The following PCDH9 variants were observed in gnomAD, a reference collection of about 807,000 sequenced individuals.
PCDH9 encodes protocadherin 9.
Under a neutral mutation model 70.6 loss-of-function variants are expected in PCDH9, and 24 were observed. The observed-to-expected ratio is 0.34, with a 90% CI of 0.25 to 0.48. The LOEUF is 0.48. Among genes scored for constraint, PCDH9 ranks in the 20% least tolerant of loss-of-function variants. The pLI is 0.99. For synonymous variants in PCDH9, 562 were observed against 558.5 expected (o/e 1.01, Z -0.09); for missense variants, 1,281 against 1,503.6 (o/e 0.85, Z 2.45).
chr13:66,818,574 T>C (rs934533734), intron 3 of PCDH9, among the ~76,000 whole-genome samples: 1 of 152,150 alleles, frequency 6.6e-6, no homozygotes, highest in African/African-American at 2.4e-5. Flanking sequence ...AACATTGTAG[T>C]CTCCTTCCAC....
intron 2 of PCDH9, among the ~76,000 whole-genome samples, chr13:67,002,907 G>A (rs532689770): frequency 1.3e-5 from 2 of 151,446 alleles, no homozygotes; most frequent in Admixed American, 6.6e-5. Context: ...GCAATTACTA[G>A]TATTTTTTTT....
intron 4 of PCDH9, among the ~76,000 whole-genome samples, chr13:66,530,950 C>T (rs1960424349): frequency 2.0e-5 from 3 of 151,960 alleles, no homozygotes; most frequent in Admixed American, 2.0e-4. Context: ...GGCCATGATA[C>T]TTGATGTAAA....
chr13:66,558,588 A>G (rs1457038434), intron 4 of PCDH9, among the ~76,000 whole-genome samples: 2 of 152,046 alleles, frequency 1.3e-5, no homozygotes, highest in African/African-American at 4.8e-5. Flanking sequence ...ATTTTTTTAA[A>G]AAACCTTTCC....
At chr13:66,521,449 C>T (rs1459446011) in intron 4 of PCDH9, among the ~76,000 whole-genome samples, 5 of 152,152 alleles carry the variant, frequency 3.3e-5, no homozygotes, top group South Asian at 2.1e-4. Flanking sequence ...ATAAGAAAAC[C>T]GCTTTTATGA....
At chr13:67,058,326 T>A (rs898578483) in intron 2 of PCDH9, among the ~76,000 whole-genome samples, 5 of 152,170 alleles carry the variant, frequency 3.3e-5, no homozygotes. Flanking sequence ...GTGTCTTAGC[T>A]TCTCTGCAGG....
chr13:66,452,434 G>A (rs1245148907), intron 4 of PCDH9, among the ~76,000 whole-genome samples: 1 of 152,022 alleles, frequency 6.6e-6, no homozygotes, highest in Admixed American at 6.6e-5. Context: ...AATTTTGGAT[G>A]GGTTTCTGAC....
intron 2 of PCDH9, among the ~76,000 whole-genome samples, chr13:66,973,221 T>C (rs985351936): frequency 1.3e-5 from 2 of 151,992 alleles, no homozygotes; most frequent in Non-Finnish European, 2.9e-5. Context: ...TTTTCAGCAA[T>C]CACCTTTTCT....
chr13:66,800,501 C>A (rs2080310062), intron 3 of PCDH9, among the ~76,000 whole-genome samples: 1 of 151,978 alleles, frequency 6.6e-6, no homozygotes, highest in African/African-American at 2.4e-5. Flanking sequence ...ATGTAAGCAC[C>A]AAGACCACAA....
rs553397345 is a variant in PCDH9, at chr13:66,760,682, A to T, written c.3139-129271T>A. Among the ~76,000 whole-genome samples the T allele has an allele frequency of 1.2e-4, 18 of 152,304 alleles. No homozygotes were observed. In the East Asian group the frequency reaches 2.1e-3, roughly 18 times the overall value. On this transcript the variant is annotated intron_variant, in intron 3 of 4. Coordinates refer to ENST00000377865, the MANE Select transcript of PCDH9 (RefSeq NM_203487.3). ...CAGGCAACAAAGGAGATAACCATAA[A>T]GCCTGACTGCCTGCGGTGCCAGGCA...
At chr13:66,977,263 G>C (rs1280757318) in intron 2 of PCDH9, among the ~76,000 whole-genome samples, 1 of 151,990 alleles carries the variant, frequency 6.6e-6, no homozygotes, top group Non-Finnish European at 1.5e-5. Context: ...AGAAAAATCT[G>C]GCTTGCAGGG....
At chr13:66,733,523 A>G (rs1312441675) in intron 3 of PCDH9, among the ~76,000 whole-genome samples, 1 of 152,196 alleles carries the variant, frequency 6.6e-6, no homozygotes, top group Non-Finnish European at 1.5e-5. Flanking sequence ...ATATACGTTC[A>G]TATGCTACAA....
chr13:67,045,274 C>T (rs1280626429), intron 2 of PCDH9, among the ~76,000 whole-genome samples: 1 of 152,120 alleles, frequency 6.6e-6, no homozygotes, highest in African/African-American at 2.4e-5. Context: ...CTCAAATTTC[C>T]TTTCCTATTT....
chr13:66,913,470 T>G (rs376479187), intron 2 of PCDH9, among the ~76,000 whole-genome samples: 58 of 152,066 alleles, frequency 3.8e-4, no homozygotes, highest in Middle Eastern at 3.4e-3. Context: ...GTAAAAAGGA[T>G]GTTCCAGAAT....
At chr13:67,068,183 T>G (rs2085688725) in intron 2 of PCDH9, among the ~76,000 whole-genome samples, 1 of 152,062 alleles carries the variant, frequency 6.6e-6, no homozygotes, top group Admixed American at 6.6e-5. Flanking sequence ...TTAAATGTTC[T>G]TTTAAAATAT....
Position 66,939,711 on chromosome 13 carries a change from C to A in PCDH9, c.3037-36106G>T, listed in dbSNP as rs2082977941. 2.0e-5 allele frequency among the ~76,000 whole-genome samples: 3 copies of A among 152,140 alleles called. No homozygotes were observed. The South Asian group carries it at 6.2e-4, about 32-fold the overall frequency. The stretch of plus-strand genomic sequence containing the variant: ...GGAATTACAGGCATGAGTCACCATG[C>A]CTGGCCTTAAAGTGTATATATCTAA... On this transcript the variant is annotated intron_variant, in intron 2 of 4. Transcript: ENST00000377865.
intron 2 of PCDH9, among the ~76,000 whole-genome samples, chr13:66,977,756 T>A (rs2083651047): frequency 6.6e-6 from 1 of 152,078 alleles, no homozygotes. Flanking sequence ...AAAAGCAGCA[T>A]CATTTCCACC....
At chr13:66,884,282 G>T (rs977159440) in intron 3 of PCDH9, among the ~76,000 whole-genome samples, 1 of 152,080 alleles carries the variant, frequency 6.6e-6, no homozygotes, top group Non-Finnish European at 1.5e-5. Context: ...ATCCACTACT[G>T]GTTCTTCAAC....
At chr13:66,563,207 C>CT (rs769338785) in intron 4 of PCDH9, among the ~76,000 whole-genome samples, 19 of 152,116 alleles carry the variant, frequency 1.2e-4, no homozygotes, top group Non-Finnish European at 2.5e-4. Flanking sequence ...AAACCTGTCC[C>CT]TGCCCTGTTT....
intron 4 of PCDH9, among the ~76,000 whole-genome samples, chr13:66,580,071 TTA>T (rs1331181740): frequency 6.6e-6 from 1 of 152,052 alleles, no homozygotes; most frequent in Non-Finnish European, 1.5e-5. Context: ...TCTCTAAAGA[TTA>T]TAGATTCAAG....
Sources: gnomAD v4.1 joint callset for allele counts (sites outside exome capture counted in the v4.1 genomes callset) on GRCh38, gnomAD v4.1.1 for gene constraint, MANE v1.5 for transcripts, NCBI Gene and HGNC (gene_info 2026-07-23, HGNC 2026-07-21) for gene names.